The following TBC1D5 variants were observed in gnomAD, a reference collection of about 807,000 sequenced individuals.
TBC1D5 encodes the protein TBC1 domain family member 5.
Under a neutral mutation model 100.3 loss-of-function variants are expected in TBC1D5, and 75 were observed. That is an observed-to-expected ratio of 0.75 (90% CI 0.62 to 0.91). The LOEUF (loss-of-function observed/expected upper bound fraction) is 0.91, where lower values mean the gene tolerates loss of function less well. Among genes scored for constraint, TBC1D5 ranks in the 40% least tolerant of loss-of-function variants. TBC1D5 has a pLI of 0.00. For synonymous variants in TBC1D5, 323 were observed against 325.6 expected, an observed-to-expected ratio of 0.99 and a Z score of 0.09; for missense variants, 910 against 942.4, an observed-to-expected ratio of 0.97 and a Z score of 0.45.
At chr3:17,457,138 T>C (rs1278722594) in intron 3 of TBC1D5, among the ~76,000 whole-genome samples, 2 of 152,200 alleles carry the variant, frequency 1.3e-5, no homozygotes, top group East Asian at 3.8e-4. Context: ...TTTTTATTAG[T>C]GTGAATGATA....
At chr3:17,366,171 G>A (rs1275226463) in intron 13 of TBC1D5, among the ~76,000 whole-genome samples, 3 of 151,840 alleles carry the variant, frequency 2.0e-5, no homozygotes, top group African/African-American at 4.8e-5. Context: ...GGTGCCTGTG[G>A]TCCCAGCTAC....
chr3:17,465,374 C>A, intron 3 of TBC1D5: 1 of 184,420 alleles, frequency 5.4e-6, no homozygotes. Flanking sequence ...AGGAATGTGC[C>A]ATACCATATC....
chr3:17,598,772 A>G (rs890087000), intron 2 of TBC1D5, among the ~76,000 whole-genome samples: 2 of 152,206 alleles, frequency 1.3e-5, no homozygotes, highest in Non-Finnish European at 2.9e-5. Flanking sequence ...AGCTCTTCAA[A>G]TGACTCAGTA....
intron 1 of TBC1D5, among the ~76,000 whole-genome samples, chr3:17,696,697 C>A (rs2072162458): frequency 1.3e-5 from 2 of 152,204 alleles, no homozygotes; most frequent in East Asian, 3.9e-4. Flanking sequence ...TGGTACCATT[C>A]CTTCTGAAAG....
At chr3:17,457,341 G>A (rs936308121) in intron 3 of TBC1D5, among the ~76,000 whole-genome samples, 4 of 151,820 alleles carry the variant, frequency 2.6e-5, no homozygotes, top group Non-Finnish European at 2.9e-5. Flanking sequence ...TATTTCTCAT[G>A]GTTCTTGGGT....
intron 3 of TBC1D5, among the ~76,000 whole-genome samples, chr3:17,485,484 ATCCCCCC>A (rs1389608203): frequency 2.9e-5 from 1 of 34,652 alleles, no homozygotes; most frequent in Non-Finnish European, 5.6e-5. Flanking sequence ...TCCCTCCCCC[ATCCCCCC>A]TCCCCCCACC....
At chr3:17,606,848 G>A (rs866162035) in intron 2 of TBC1D5, among the ~76,000 whole-genome samples, 15 of 151,896 alleles carry the variant, frequency 9.9e-5, no homozygotes, top group Non-Finnish European at 1.9e-4. Flanking sequence ...CCCAAAAAAC[G>A]ATCCTGATGC....
At chr3:17,446,839 C>T (rs2094808887) in intron 3 of TBC1D5, among the ~76,000 whole-genome samples, 2 of 152,232 alleles carry the variant, frequency 1.3e-5, no homozygotes, top group African/African-American at 2.4e-5. Flanking sequence ...AGGTTGGTGG[C>T]AGGCGCCTGT....
chr3:17,638,823 T>C (rs1252902324), intron 1 of TBC1D5, among the ~76,000 whole-genome samples: 1 of 152,014 alleles, frequency 6.6e-6, no homozygotes, highest in Admixed American at 6.6e-5. Context: ...GAGAGAAAAT[T>C]TTAAGTTATA....
intron 2 of TBC1D5, among the ~76,000 whole-genome samples, chr3:17,614,647 C>T (rs544089584): frequency 5.9e-5 from 9 of 152,094 alleles, no homozygotes; most frequent in Non-Finnish European, 8.8e-5. Flanking sequence ...CCCTTGGTAG[C>T]GATTGTGAAT....
chr3:17,650,199 G>A (rs2065409789), intron 1 of TBC1D5, among the ~76,000 whole-genome samples: 1 of 151,956 alleles, frequency 6.6e-6, no homozygotes. Context: ...GTAGGTGACG[G>A]GTTGATGGGT....
chr3:17,505,350 T>C (rs2095833895), intron 3 of TBC1D5, among the ~76,000 whole-genome samples: 1 of 151,986 alleles, frequency 6.6e-6, no homozygotes. Flanking sequence ...GAGATATACC[T>C]CCTCCCCCTT....
intron 1 of TBC1D5, among the ~76,000 whole-genome samples, chr3:17,676,360 GACAA>G (rs1441911505): frequency 1.5e-4 from 23 of 152,102 alleles, no homozygotes; most frequent in Admixed American, 3.9e-4. Context: ...ACCAATAACA[GACAA>G]ACAGAGGGCC....
intron 15 of TBC1D5, among the ~76,000 whole-genome samples, chr3:17,270,381 A>G (rs2079274465): frequency 6.6e-6 from 1 of 152,066 alleles, no homozygotes. Flanking sequence ...CATTTTGGAT[A>G]TCAAATCTCT....
intron 19 of TBC1D5, among the ~76,000 whole-genome samples, chr3:17,169,875 T>C (rs1287612383): frequency 1.3e-5 from 2 of 152,212 alleles, no homozygotes; most frequent in Non-Finnish European, 2.9e-5. Flanking sequence ...GCGATGAAAC[T>C]GTTCTACCTC....
intron 13 of TBC1D5, among the ~76,000 whole-genome samples, chr3:17,316,254 G>A (rs2084684342): frequency 6.6e-6 from 1 of 152,202 alleles, no homozygotes; most frequent in African/African-American, 2.4e-5. Flanking sequence ...TCGTTCTGAA[G>A]TCCACATGGA....
intron 1 of TBC1D5, among the ~76,000 whole-genome samples, chr3:17,694,490 G>A (rs952815593): frequency 6.6e-6 from 1 of 152,034 alleles, no homozygotes; most frequent in Non-Finnish European, 1.5e-5. Flanking sequence ...TAGAAGAAAG[G>A]GTATCAGTGA....
chr3:17,185,038 G>A, intron 19 of TBC1D5, 71 bp downstream of exon 20: 2 of 1,400,328 alleles, frequency 1.4e-6, no homozygotes, highest in Non-Finnish European at 2.0e-6. Flanking sequence ...ACAAGGCCTA[G>A]AACAAAGTAT....
intron 14 of TBC1D5, among the ~76,000 whole-genome samples, chr3:17,306,144 T>C (rs283946): frequency 0.43 from 64,843 of 152,008 alleles, 14,566 homozygotes; most frequent in Middle Eastern, 0.51. Flanking sequence ...GTTCCTTCTG[T>C]CTTGTATGCA....
Sources: allele counts gnomAD v4.1 joint callset (sites outside exome capture counted in the v4.1 genomes callset), GRCh38; gene constraint gnomAD v4.1.1; transcripts MANE v1.5; gene names NCBI Gene and HGNC (gene_info 2026-07-23, HGNC 2026-07-21).